The following ARMC10 variants were observed in gnomAD, a reference collection of about 807,000 sequenced individuals.
ARMC10 encodes armadillo repeat-containing protein 10.
In ARMC10, 23 loss-of-function variants were observed where a neutral mutation model predicts 30.2. That is an observed-to-expected ratio of 0.76 (90% CI 0.55 to 1.08). ARMC10 has a LOEUF of 1.08. Ranked by LOEUF, ARMC10 falls within the 50% of genes least tolerant of loss-of-function variation. The pLI, the probability that ARMC10 is intolerant of heterozygous loss-of-function variation, is 0.00. For synonymous variants in ARMC10, 111 were observed against 164.4 expected (o/e 0.68, Z 2.48); for missense variants, 303 against 413.7 (o/e 0.73, Z 2.32).
Position 103,075,431 on chromosome 7 carries a change from G to A in ARMC10, c.139+20G>A. On this transcript the variant is annotated intron_variant, in intron 1 of 6. Coordinates refer to ENST00000323716, the MANE Select transcript of ARMC10 (RefSeq NM_031905.5). ...CCGCAGGTGGGACCCCGGGGTTTCCGGCAGGTGGGCGGGGACTGGGCAGGG... is the reference window on the plus strand; with the variant it reads ...CCGCAGGTGGGACCCCGGGGTTTCCAGCAGGTGGGCGGGGACTGGGCAGGG... 7.8e-7 allele frequency: 1 copy of A among 1,287,566 alleles called. No homozygotes were observed. The allele number at this position is 1,287,566 out of a possible 1,614,324, so 79.8% of individuals were successfully genotyped here. A position where few individuals can be genotyped will look rare whatever the true frequency, so the allele number is the denominator to read the frequency against.
rs114132509 is a variant in ARMC10 at position 103,097,617 on chromosome 7, G to A, written c.777+269G>A. 2.8e-3 allele frequency among the ~76,000 whole-genome samples: 423 copies of A among 152,204 alleles called. 6 individuals are homozygous for A. The highest frequency in any genetic ancestry group is 9.7e-3 in the African/African-American group (404 of 41,526). ...TCTACCCAATTTTGGGTACAATTGT[G>A]CCATCCCATATTTTATACTTGAACT... On this transcript the variant is annotated intron_variant, in intron 6 of 6. Coordinates refer to ENST00000323716, the MANE Select transcript of ARMC10 (RefSeq NM_031905.5).
intron 4 of ARMC10, chr7:103,087,828 CTA>C (rs1454630061): frequency 8.3e-6 from 8 of 968,410 alleles, no homozygotes; most frequent in African/African-American, 3.5e-5. Context: ...GAGGCAAGTA[CTA>C]TATAGACTAG....
chr7:103,081,758 A>C, intron 2 of ARMC10: 1 of 369,690 alleles, frequency 2.7e-6, no homozygotes, highest in Non-Finnish European at 5.4e-6. Context: ...AGTTAAATTT[A>C]TCACATTTCT....
intron 2 of ARMC10, among the ~76,000 whole-genome samples, chr7:103,077,160 G>A (rs1369046780): frequency 2.6e-5 from 4 of 152,152 alleles, no homozygotes; most frequent in Admixed American, 2.0e-4. Context: ...CGAAGTGCTG[G>A]AATTACAGGA....
At chr7:103,097,953 A>T (rs1861728) in intron 6 of ARMC10, among the ~76,000 whole-genome samples, 133,387 of 152,172 alleles carry the variant, frequency 0.88, 61,152 homozygotes, top group East Asian at 1. Flanking sequence ...TTTGATGAAA[A>T]AATGAGTTCC....
At chr7:103,080,001 C>T (rs1800234859) in intron 2 of ARMC10, among the ~76,000 whole-genome samples, 1 of 152,188 alleles carries the variant, frequency 6.6e-6, no homozygotes, top group South Asian at 2.1e-4. Flanking sequence ...AGTCACTTTT[C>T]ATTCCCTTTG....
At chr7:103,076,009 C>CA in intron 2 of ARMC10, 128 bp downstream of exon 2, 1 of 567,354 alleles carries the variant, frequency 1.8e-6, no homozygotes, top group Non-Finnish European at 2.9e-6. Context: ...TGTTTCACAT[C>CA]ATGGAAGCTG....
intron 5 of ARMC10, among the ~76,000 whole-genome samples, chr7:103,093,426 T>C (rs1474138501): frequency 6.6e-6 from 1 of 152,222 alleles, no homozygotes; most frequent in East Asian, 1.9e-4. Flanking sequence ...CAAGATGTGA[T>C]TACAGGAGAG....
intron 4 of ARMC10, chr7:103,087,741 G>C (rs1002072905): frequency 1.0e-6 from 1 of 980,200 alleles, no homozygotes; most frequent in Admixed American, 6.2e-5. Flanking sequence ...GGTAATCTCT[G>C]TATTTAGTTT....
intron 2 of ARMC10, chr7:103,083,075 C>G (rs768085597): frequency 2.2e-6 from 1 of 456,580 alleles, no homozygotes; most frequent in African/African-American, 2.0e-5. Context: ...GGTAAGTGTT[C>G]ATTGGATGGG....
chr7:103,086,063 T>C (rs907818180), intron 3 of ARMC10, among the ~76,000 whole-genome samples: 1 of 152,176 alleles, frequency 6.6e-6, no homozygotes, highest in African/African-American at 2.4e-5. Flanking sequence ...AGATTCCCAA[T>C]GCACATGGAC....
intron 3 of ARMC10, among the ~76,000 whole-genome samples, chr7:103,085,606 C>CTTTTTTTTTTTTTT (rs10581217): frequency 3.8e-5 from 5 of 130,578 alleles, no homozygotes; most frequent in African/African-American, 1.4e-4. Flanking sequence ...CATTTCTCTT[C>CTTTTTTTTTTTTTT]TTTTTTTTTT....
At chr7:103,094,670 C>G (rs777230471) in intron 5 of ARMC10, among the ~76,000 whole-genome samples, 10 of 152,102 alleles carry the variant, frequency 6.6e-5, no homozygotes, top group Non-Finnish European at 1.2e-4. Context: ...TTTCCTAACA[C>G]TTATTCCTAG....
At chr7:103,085,738 C>T (rs530129805) in intron 3 of ARMC10, among the ~76,000 whole-genome samples, 4 of 151,932 alleles carry the variant, frequency 2.6e-5, no homozygotes, top group African/African-American at 4.8e-5. Context: ...CCTTAACCTC[C>T]CCAGTAGCTG....
Position 103,075,885 on chromosome 7 carries a change from T to A in ARMC10, c.244+4T>A, listed in dbSNP as rs775162696. On this transcript the variant is annotated splice_donor_region_variant and intron_variant, in intron 2 of 6. Transcript: ENST00000323716. ...TGGTCCAAGACCTCGCAGCCTGGTG[T>A]GTGTTTTGGAAATGGGAACAGTTGT... is the stretch of plus-strand genomic sequence containing the variant. The A allele has an allele frequency of 1.9e-6, 3 of 1,586,650 alleles. No individual in the cohort carries two copies. In the East Asian group the frequency reaches 6.8e-5, roughly 36 times the overall value.
rs564686599 is a variant in ARMC10, at chr7:103,083,366, C to T, written c.245-316C>T. ...TGGGCACAGTGGCTCATACTATTAT[C>T]CCACCACTTTGGGAGGCCAAGGCAG... On this transcript the variant is annotated intron_variant, in intron 2 of 6. Transcript: ENST00000323716. 1.9e-4 allele frequency among the ~76,000 whole-genome samples: 29 copies of T among 152,246 alleles called. No homozygotes were observed. In the South Asian group the frequency reaches 4.8e-3, roughly 25 times the overall value.
chr7:103,075,982 A>G (rs1277173268), intron 2 of ARMC10, 101 bp downstream of exon 2: 2 of 779,838 alleles, frequency 2.6e-6, no homozygotes, highest in African/African-American at 3.5e-5. Flanking sequence ...TCGGTACATT[A>G]AAACCCTCCA....
intron 2 of ARMC10, among the ~76,000 whole-genome samples, chr7:103,079,345 A>G (rs926287787): frequency 6.6e-6 from 1 of 152,228 alleles, no homozygotes; most frequent in Non-Finnish European, 1.5e-5. Flanking sequence ...AAAAAAGAAA[A>G]AAAATTTTAT....
chr7:103,092,636 G>A lies in ARMC10; in HGVS notation c.688G>A (p.Gly230Arg), dbSNP rs142906964. 3,530 of 1,569,492 alleles carry A rather than the reference G, an allele frequency of 2.2e-3. 14 individuals carry two copies. The highest frequency in any genetic ancestry group is 2.8e-3 in the Non-Finnish European group (3,152 of 1,145,512). ...ITDLFQVLLT[G>R]NGNTKVQVLK... The stretch of plus-strand genomic sequence containing the variant: ...AGACCTGTTCCAGGTGTTACTTACT[G>A]GAAATGGAAACACGAAGGTATGAAG... The change falls in exon 5 of 7, where the codon GGA (glycine) becomes AGA (arginine). Residue 230 changes from glycine to arginine, a missense_variant. Physicochemically the swap from Gly to Arg is moderately radical, Grantham distance 125. Coordinates refer to ENST00000323716, the MANE Select transcript of ARMC10 (RefSeq NM_031905.5).
Sources: allele counts gnomAD v4.1 joint callset (sites outside exome capture counted in the v4.1 genomes callset), GRCh38; gene constraint gnomAD v4.1.1; transcripts MANE v1.5; gene names NCBI Gene and HGNC (gene_info 2026-07-23, HGNC 2026-07-21).